The following STXBP5L variants were observed in gnomAD, a reference collection of about 807,000 sequenced individuals.
The protein encoded by STXBP5L is syntaxin-binding protein 5-like.
STXBP5L carries 65 observed loss-of-function variants against 144.5 expected under a neutral mutation model. The observed-to-expected ratio is 0.45, with a 90% CI of 0.37 to 0.55. STXBP5L has a LOEUF of 0.55. Among genes scored for constraint, STXBP5L ranks in the 20% least tolerant of loss-of-function variants. The pLI is 0.00. For missense variants in STXBP5L, 1,298 were observed against 1,405.5 expected (o/e 0.92, Z 1.22); for synonymous variants, 505 against 469.6 (o/e 1.08, Z -0.97).
At chr3:120,981,776 G>T (rs982024905) in intron 3 of STXBP5L, among the ~76,000 whole-genome samples, 5 of 152,106 alleles carry the variant, frequency 3.3e-5, no homozygotes, top group Admixed American at 1.3e-4. Flanking sequence ...TTCTTATGCT[G>T]GTTCCCTCTC....
chr3:120,997,902 T>C (rs779951563), intron 3 of STXBP5L, among the ~76,000 whole-genome samples: 1 of 152,184 alleles, frequency 6.6e-6, no homozygotes, highest in Admixed American at 6.6e-5. Flanking sequence ...ATACACTTTA[T>C]ACCTAGAATG....
At chr3:121,357,691 A>T (rs2045571844) in intron 20 of STXBP5L, 1 of 152,216 alleles carries the variant, frequency 6.6e-6, no homozygotes, top group South Asian at 2.1e-4. Context: ...TGTCTTGGAG[A>T]ATAACATTGT....
chr3:121,279,695 A>G lies in STXBP5L; in HGVS notation c.1959-110A>G. 1.4e-5 allele frequency: 19 copies of G among 1,348,688 alleles called. 1 individual carries two copies. The highest frequency in any genetic ancestry group is 1.7e-5 in the Non-Finnish European group (17 of 974,942). 83.5% of individuals were successfully genotyped at this position (1,348,688 alleles called of 1,614,324 possible). ...TTGACTTTACACAAATCACTGCCCA[A>G]CTTCCCCAACCCTAAGACATTACTT... On this transcript the variant is annotated intron_variant, in intron 18 of 26. Coordinates refer to ENST00000471454, the MANE Select transcript of STXBP5L (RefSeq NM_001308330.2).
At chr3:121,086,851 A>T (rs2042521279) in intron 5 of STXBP5L, among the ~76,000 whole-genome samples, 1 of 152,066 alleles carries the variant, frequency 6.6e-6, no homozygotes, top group Non-Finnish European at 1.5e-5. Flanking sequence ...TAGTGTAAGT[A>T]CTTACACTCT....
chr3:121,164,813 C>T (rs1038830103), intron 9 of STXBP5L, among the ~76,000 whole-genome samples: 1 of 152,080 alleles, frequency 6.6e-6, no homozygotes, highest in African/African-American at 2.4e-5. Flanking sequence ...TGCATTGTCT[C>T]ACATGTGAAA....
intron 14 of STXBP5L, among the ~76,000 whole-genome samples, chr3:121,246,396 G>C (rs1338425935): frequency 1.3e-4 from 20 of 152,174 alleles, no homozygotes; most frequent in Admixed American, 1.3e-3. Context: ...CCACACATCT[G>C]TAGATGCAAG....
At chr3:121,317,801 A>T (rs2043834038) in intron 19 of STXBP5L, among the ~76,000 whole-genome samples, 1 of 152,164 alleles carries the variant, frequency 6.6e-6, no homozygotes, top group Non-Finnish European at 1.5e-5. Context: ...TATTGGAAAG[A>T]GAAAAATATA....
intron 18 of STXBP5L, among the ~76,000 whole-genome samples, chr3:121,266,661 C>T (rs141362937): frequency 0.011 from 1,707 of 152,154 alleles, 35 homozygotes; most frequent in African/African-American, 0.038. Flanking sequence ...AAAGGGTATT[C>T]AAATAAAAAG....
chr3:120,917,154 G>C (rs1315017108), intron 2 of STXBP5L, among the ~76,000 whole-genome samples: 1 of 152,150 alleles, frequency 6.6e-6, no homozygotes, highest in Non-Finnish European at 1.5e-5. Flanking sequence ...TCCCAGCTTT[G>C]TGGAGTGGTC....
At chr3:121,091,547 T>C (rs1248712301) in intron 5 of STXBP5L, among the ~76,000 whole-genome samples, 2 of 152,214 alleles carry the variant, frequency 1.3e-5, no homozygotes, top group African/African-American at 4.8e-5. Context: ...GAGCATTTTT[T>C]CATGTGTTTT....
chr3:121,027,800 T>G (rs1946060840), intron 3 of STXBP5L, among the ~76,000 whole-genome samples: 1 of 152,054 alleles, frequency 6.6e-6, no homozygotes, highest in Non-Finnish European at 1.5e-5. Flanking sequence ...TATTCAAAGG[T>G]TTCAGGGATC....
At chr3:120,949,246 T>TG (rs771207762) in intron 2 of STXBP5L, among the ~76,000 whole-genome samples, 1 of 151,894 alleles carries the variant, frequency 6.6e-6, no homozygotes, top group Non-Finnish European at 1.5e-5. Flanking sequence ...CAATTTTTCA[T>TG]GGGATTATTA....
chr3:121,055,045 G>A (rs1038634009), intron 5 of STXBP5L, among the ~76,000 whole-genome samples: 2 of 152,158 alleles, frequency 1.3e-5, no homozygotes, highest in East Asian at 1.9e-4. Context: ...TAGATTAATT[G>A]GTAGAAACAT....
At chr3:121,335,419 T>C (rs139639773) in intron 20 of STXBP5L, among the ~76,000 whole-genome samples, 2,239 of 152,166 alleles carry the variant, frequency 0.015, 25 homozygotes, top group Non-Finnish European at 0.022. Context: ...AAACTACCAA[T>C]GACATGTTTC....
At position 121,421,901 on chromosome 3, in the gene STXBP5L, T is replaced by C. The variant is rs1232939640; in HGVS notation, c.*2804T>C. ...AGTAGTTAAAACGTGTCTTTCAAAA[T>C]TGCTTTTATAAGCCCTTCCTTAACG... On this transcript the variant is annotated 3_prime_UTR_variant, in exon 27 of 27. Transcript: ENST00000471454. The C allele has an allele frequency of 1.3e-5, 2 of 152,212 alleles. No homozygotes were observed. Among genetic ancestry groups the C allele is most frequent in the African/African-American group, 2.4e-5 (1 of 41,462 alleles). The allele number at this position is 152,212 out of a possible 1,614,324, so 9.4% of individuals were successfully genotyped here. A position where few individuals can be genotyped will look rare whatever the true frequency, so the allele number is the denominator to read the frequency against.
rs2047309530 is a variant in STXBP5L, at chr3:121,419,243, T to C, written c.*146T>C. 2.5e-6 allele frequency: 2 copies of C among 799,678 alleles called. No individual in the cohort carries two copies. Among genetic ancestry groups the C allele is most frequent in the Non-Finnish European group, 3.8e-6 (2 of 527,474 alleles). The allele number at this position is 799,678 out of a possible 1,614,324, so 49.5% of individuals were successfully genotyped here. ...ATCTGAAATTTTCATAAAAGAGATG[T>C]ATCAGAGACACTGTGCAACCCAAAG... is the stretch of plus-strand genomic sequence containing the variant. On this transcript the variant is annotated 3_prime_UTR_variant, in exon 27 of 27. Coordinates refer to ENST00000471454, the MANE Select transcript of STXBP5L (RefSeq NM_001308330.2).
chr3:120,951,868 C>G (rs570382871), intron 2 of STXBP5L, among the ~76,000 whole-genome samples: 2 of 152,000 alleles, frequency 1.3e-5, no homozygotes, highest in African/African-American at 4.8e-5. Flanking sequence ...ATGTTTATTG[C>G]GGCACTATTC....
intron 7 of STXBP5L, among the ~76,000 whole-genome samples, chr3:121,150,970 C>A (rs895406756): frequency 6.6e-6 from 1 of 152,028 alleles, no homozygotes; most frequent in Non-Finnish European, 1.5e-5. Context: ...TGCCTGTAAT[C>A]CCAGCTATTC....
intron 9 of STXBP5L, among the ~76,000 whole-genome samples, chr3:121,201,159 G>T (rs1442183817): frequency 1.3e-5 from 2 of 152,132 alleles, no homozygotes; most frequent in Non-Finnish European, 2.9e-5. Context: ...TTATGAATCT[G>T]GGTGGTATAT....
Sources: gnomAD v4.1 joint callset for allele counts (sites outside exome capture counted in the v4.1 genomes callset) on GRCh38, gnomAD v4.1.1 for gene constraint, MANE v1.5 for transcripts, NCBI Gene and HGNC (gene_info 2026-07-23, HGNC 2026-07-21) for gene names.